CTCF: variants seen among roughly 807,000 people sequenced by gnomAD.
The protein encoded by CTCF is CCCTC-binding factor.
In CTCF, 7 loss-of-function variants were observed where a neutral mutation model predicts 72.3. The ratio of observed to expected loss-of-function variants is 0.10; its 90% confidence interval spans 0.06 to 0.18. CTCF has a LOEUF of 0.18. Ranked by LOEUF, CTCF falls within the 10% of genes least tolerant of loss-of-function variation. CTCF has a pLI of 1.00. For missense variants in CTCF, 516 were observed against 949.1 expected (o/e 0.54, Z 6.00); for synonymous variants, 374 against 315.8 (o/e 1.18, Z -1.95).
chr16:67,613,247 A>C (rs976468888), intron 4 of CTCF, among the ~76,000 whole-genome samples: 5 of 152,236 alleles, frequency 3.3e-5, no homozygotes, highest in African/African-American at 1.2e-4. Context: ...GAATAACTTC[A>C]TTTCATATGA....
At chr16:67,617,502 C>CA (rs1455134972) in intron 5 of CTCF, among the ~76,000 whole-genome samples, 1 of 151,380 alleles carries the variant, frequency 6.6e-6, no homozygotes, top group Non-Finnish European at 1.5e-5. Context: ...CCCTCCATCT[C>CA]AAAAAATAAT....
chr16:67,578,552 C>T (rs985845981), intron 2 of CTCF, among the ~76,000 whole-genome samples: 3 of 149,760 alleles, frequency 2.0e-5, no homozygotes, highest in Non-Finnish European at 4.4e-5. Flanking sequence ...AGGCTGGTCT[C>T]GAACTCCTGG....
At chr16:67,591,675 T>C (rs2051745430) in intron 2 of CTCF, among the ~76,000 whole-genome samples, 2 of 152,144 alleles carry the variant, frequency 1.3e-5, no homozygotes, top group Non-Finnish European at 2.9e-5. Context: ...TAGTAAAAGT[T>C]ACTTAGCTTT....
chr16:67,587,225 G>T (rs1312103581), intron 2 of CTCF, among the ~76,000 whole-genome samples: 1 of 150,678 alleles, frequency 6.6e-6, no homozygotes, highest in Non-Finnish European at 1.5e-5. Context: ...GCCTCCTGCA[G>T]TGCTGGAATG....
chr16:67,600,466 G>A (rs2051871892), intron 2 of CTCF, among the ~76,000 whole-genome samples: 2 of 152,080 alleles, frequency 1.3e-5, no homozygotes, highest in Non-Finnish European at 2.9e-5. Flanking sequence ...CTGGACTCAA[G>A]GGATCTGCCC....
rs2142826036 is a variant in CTCF at position 67,611,391 on chromosome 16, G to C, written c.559G>C (p.Glu187Gln). The C allele has an allele frequency of 6.2e-7, 1 of 1,614,102 alleles. No individual in the cohort carries two copies. Among genetic ancestry groups the C allele is most frequent in the African/African-American group, 1.3e-5 (1 of 75,030 alleles). Residue 187 changes from glutamate (E) to glutamine (Q), a missense_variant, in exon 3 of 12, where the codon GAA becomes CAA. Coordinates refer to ENST00000264010, the MANE Select transcript of CTCF (RefSeq NM_006565.4). ...TLEQGELPPQ[E>Q]DPSWQKDPDY... ...AGAACAAGGGGAACTTCCACCCCAG[G>C]AAGATCCTAGTTGGCAAAAAGACCC...
chr16:67,636,595 A>G (rs1436783412), intron 10 of CTCF, 95 bp from the exon 11 acceptor site: 1 of 506,522 alleles, frequency 2.0e-6, no homozygotes, highest in African/African-American at 2.1e-5. Context: ...ATATATTTAT[A>G]AAACAAGACT....
intron 2 of CTCF, among the ~76,000 whole-genome samples, chr16:67,573,047 T>TG (rs1567591095): frequency 6.8e-6 from 1 of 146,716 alleles, no homozygotes; most frequent in African/African-American, 2.5e-5. Flanking sequence ...GGTCAGGAGT[T>TG]CGGGACCAGC....
At chr16:67,606,580 C>T (rs184314182) in intron 2 of CTCF, among the ~76,000 whole-genome samples, 174 of 152,136 alleles carry the variant, frequency 1.1e-3, no homozygotes, top group Non-Finnish European at 1.7e-3. Flanking sequence ...TCTTGTGCTG[C>T]CTCTCAGGTG....
intron 4 of CTCF, 84 bp from the exon 5 acceptor site, chr16:67,616,661 A>G: frequency 6.7e-7 from 1 of 1,487,534 alleles, no homozygotes; most frequent in Non-Finnish European, 9.3e-7. Context: ...TTCCAGTCTC[A>G]TAGCAGTTCT....
At chr16:67,609,528 T>G (rs1476556589) in intron 2 of CTCF, among the ~76,000 whole-genome samples, 1 of 152,218 alleles carries the variant, frequency 6.6e-6, no homozygotes, top group Non-Finnish European at 1.5e-5. Context: ...CAAAGAAGAT[T>G]CATGCATTGT....
chr16:67,589,185 T>C lies in CTCF; in HGVS notation c.-10+17921T>C, dbSNP rs76404602. On this transcript the variant is annotated intron_variant, in intron 2 of 11. Transcript: ENST00000264010. Reference sequence around the variant, plus strand: ...TGGTGCATGCCTGTAGTGTCCCAACTACCCAGGAGGCTGAGGCAAGAGAGG... The same window carrying C: ...TGGTGCATGCCTGTAGTGTCCCAACCACCCAGGAGGCTGAGGCAAGAGAGG... 2.3e-3 allele frequency among the ~76,000 whole-genome samples: 345 copies of C among 152,134 alleles called. 13 individuals are homozygous for C. In the East Asian group the frequency reaches 0.061, roughly 27 times the overall value.
intron 2 of CTCF, among the ~76,000 whole-genome samples, chr16:67,571,781 G>A (rs1174362993): frequency 6.6e-6 from 1 of 152,150 alleles, no homozygotes; most frequent in African/African-American, 2.4e-5. Flanking sequence ...AGTTAGCCTA[G>A]CTCATTGCCC....
intron 1 of CTCF, chr16:67,567,972 A>C (rs1414365609): frequency 7.3e-6 from 1 of 136,180 alleles, no homozygotes; most frequent in African/African-American, 2.9e-5. Flanking sequence ...ATCATGGCTC[A>C]CTGCAGCCTT....
rs1375846646 is a variant in CTCF, at chr16:67,629,523, C to G, written c.1827C>G (p.Ser609=). Residue 609 remains serine, a synonymous_variant, in exon 10 of 12, where the codon TCC becomes TCG. Coordinates refer to ENST00000264010, the MANE Select transcript of CTCF (RefSeq NM_006565.4). ...AGATGCGCTCTAAGAAAGAAGATTC[C>G]TCTGACAGTGGTAAGTGACTTGTTC... The part of the protein sequence containing the change: ...KRKMRSKKED[S]SDSENAEPDL... The G allele has an allele frequency of 1.9e-6, 3 of 1,612,752 alleles. No individual in the cohort carries two copies. Among genetic ancestry groups the G allele is most frequent in the Non-Finnish European group, 2.5e-6 (3 of 1,179,658 alleles).
chr16:67,621,144 G>A (rs2052194157), intron 6 of CTCF: 1 of 363,768 alleles, frequency 2.7e-6, no homozygotes, highest in East Asian at 4.0e-5. Flanking sequence ...CCTGGATATT[G>A]TCTTTTCCTA....
At chr16:67,604,081 G>C (rs1597706579) in intron 2 of CTCF, among the ~76,000 whole-genome samples, 2 of 147,584 alleles carry the variant, frequency 1.4e-5, no homozygotes, top group Admixed American at 1.4e-4. Context: ...AATGAGCCAT[G>C]ACCATTCTGC....
chr16:67,603,665 A>C (rs1430742644), intron 2 of CTCF, among the ~76,000 whole-genome samples: 5 of 151,698 alleles, frequency 3.3e-5, no homozygotes, highest in African/African-American at 1.2e-4. Context: ...CTCTACTAAA[A>C]GTACAAAAAA....
intron 4 of CTCF, among the ~76,000 whole-genome samples, chr16:67,612,808 G>A (rs1022488573): frequency 8.5e-5 from 13 of 152,072 alleles, no homozygotes; most frequent in African/African-American, 3.1e-4. Flanking sequence ...GTGGTGGCGG[G>A]TGCCTGTAAT....
Sources: gnomAD v4.1 joint callset for allele counts (sites outside exome capture counted in the v4.1 genomes callset) on GRCh38, gnomAD v4.1.1 for gene constraint, MANE v1.5 for transcripts, NCBI Gene and HGNC (gene_info 2026-07-23, HGNC 2026-07-21) for gene names.